NBEA: variants seen among roughly 807,000 people sequenced by gnomAD.
NBEA encodes the protein neurobeachin, also known as lysosomal-trafficking regulator 2.
Under a neutral mutation model 343.4 loss-of-function variants are expected in NBEA, and 44 were observed. That is an observed-to-expected ratio of 0.13 (90% CI 0.10 to 0.16). The LOEUF (loss-of-function observed/expected upper bound fraction) is 0.16, where lower values mean the gene tolerates loss of function less well. Among genes scored for constraint, NBEA ranks in the 10% least tolerant of loss-of-function variants. The pLI, the probability that NBEA is intolerant of heterozygous loss-of-function variation, is 1.00. For synonymous variants in NBEA, 1,175 were observed against 1,238.7 expected, an observed-to-expected ratio of 0.95 and a Z score of 1.08; for missense variants, 2,555 against 3,631.3, an observed-to-expected ratio of 0.70 and a Z score of 7.62.
chr13:35,186,165 A>G (rs1387130734), intron 30 of NBEA: 1 of 152,198 alleles, frequency 6.6e-6, no homozygotes, highest in African/African-American at 2.4e-5. Context: ...TTAACCAGGC[A>G]TGGTGGCATG....
chr13:35,290,161 A>C (rs1054991382), intron 34 of NBEA, among the ~76,000 whole-genome samples: 3 of 151,776 alleles, frequency 2.0e-5, no homozygotes, highest in African/African-American at 7.2e-5. Context: ...TCTTGTGACA[A>C]ACCCACAGCC....
chr13:35,332,733 A>G (rs1316457356), intron 36 of NBEA, among the ~76,000 whole-genome samples: 2 of 152,272 alleles, frequency 1.3e-5, no homozygotes, highest in Middle Eastern at 3.4e-3. Context: ...GTGAGAAAAG[A>G]TTAAAATTTA....
chr13:35,095,632 A>G (rs1260532483), intron 10 of NBEA, among the ~76,000 whole-genome samples: 1 of 151,896 alleles, frequency 6.6e-6, no homozygotes, highest in African/African-American at 2.4e-5. Context: ...ATTTTCCTTA[A>G]AAAGATACAG....
chr13:35,612,591 C>A (rs1449804700), intron 48 of NBEA, among the ~76,000 whole-genome samples: 1 of 151,956 alleles, frequency 6.6e-6, no homozygotes, highest in African/African-American at 2.4e-5. Context: ...AGTTTGTATG[C>A]CCCCAGAATT....
In NBEA at chr13:34,956,996, A is replaced by G. The variant is rs538290783; in HGVS notation, c.294+13882A>G. 6.6e-5 allele frequency among the ~76,000 whole-genome samples: 10 copies of G among 152,052 alleles called. No homozygotes were observed. The East Asian group carries it at 1.7e-3, about 26-fold the overall frequency. The stretch of plus-strand genomic sequence containing the variant: ...TCAGATTCTTTAGTTCTGTTTCTTT[A>G]ATATCATGTGGAATATATATATATA... On this transcript the variant is annotated intron_variant, in intron 1 of 58. Coordinates refer to ENST00000379939, the MANE Select transcript of NBEA (RefSeq NM_001385012.1).
chr13:35,585,340 G>T (rs1419186348), intron 46 of NBEA, among the ~76,000 whole-genome samples: 1 of 151,900 alleles, frequency 6.6e-6, no homozygotes, highest in African/African-American at 2.4e-5. Context: ...GTTTTGGGGA[G>T]GTCACATATT....
chr13:35,017,242 A>G (rs1440346330), intron 1 of NBEA, among the ~76,000 whole-genome samples: 4 of 152,178 alleles, frequency 2.6e-5, no homozygotes, highest in Admixed American at 1.3e-4. Flanking sequence ...TGTTGTTTCT[A>G]GTTGTTTCCA....
intron 49 of NBEA, among the ~76,000 whole-genome samples, chr13:35,634,204 G>A (rs979925745): frequency 8.5e-5 from 13 of 152,048 alleles, no homozygotes; most frequent in Admixed American, 2.6e-4. Flanking sequence ...ATAGCTGGGC[G>A]TGGTGGCGGG....
At position 35,211,182 on chromosome 13, in the gene NBEA, A is replaced by T; in HGVS notation, c.5648+3A>T. 1 of 1,548,206 alleles carries T rather than the reference A, an allele frequency of 6.5e-7. No individual in the cohort carries two copies. The highest frequency in any genetic ancestry group is 8.7e-7 in the Non-Finnish European group (1 of 1,145,738). On this transcript the variant is annotated splice_donor_region_variant and intron_variant, in intron 33 of 58. Coordinates refer to ENST00000379939, the MANE Select transcript of NBEA (RefSeq NM_001385012.1). ...GAAGATTCAGCTGAAAATATGAGGT[A>T]TGCATGACTACTTTTTATTCATTTT...
chr13:35,083,220 A>C (rs1311931205), intron 10 of NBEA, among the ~76,000 whole-genome samples: 2 of 152,276 alleles, frequency 1.3e-5, no homozygotes, highest in South Asian at 4.1e-4. Context: ...CAAAGATCAG[A>C]TAGTTGTGGA....
At chr13:35,244,591 A>G (rs529441074) in intron 34 of NBEA, among the ~76,000 whole-genome samples, 2 of 152,052 alleles carry the variant, frequency 1.3e-5, no homozygotes, top group Admixed American at 1.3e-4. Flanking sequence ...TGCTTTGGCT[A>G]TGTGGGCTCT....
At chr13:35,574,127 A>T (rs1207337773) in intron 45 of NBEA, among the ~76,000 whole-genome samples, 1 of 152,112 alleles carries the variant, frequency 6.6e-6, no homozygotes, top group Non-Finnish European at 1.5e-5. Flanking sequence ...ATAATAGCCA[A>T]TATTTTGCAT....
At chr13:34,976,352 C>T (rs1010771795) in intron 1 of NBEA, among the ~76,000 whole-genome samples, 2 of 152,204 alleles carry the variant, frequency 1.3e-5, no homozygotes, top group East Asian at 3.9e-4. Flanking sequence ...TGTTCTCACT[C>T]ATATGTGAGA....
At chr13:35,329,573 G>C (rs1326075778) in intron 36 of NBEA, among the ~76,000 whole-genome samples, 1 of 151,978 alleles carries the variant, frequency 6.6e-6, no homozygotes, top group East Asian at 1.9e-4. Flanking sequence ...CTTATGTGAA[G>C]TGAAAGAAGC....
intron 55 of NBEA, among the ~76,000 whole-genome samples, chr13:35,656,688 C>CA (rs2084827969): frequency 1.3e-5 from 2 of 152,110 alleles, no homozygotes; most frequent in Non-Finnish European, 2.9e-5. Flanking sequence ...ACTAAGCTTT[C>CA]AATAGTTCAC....
intron 34 of NBEA, among the ~76,000 whole-genome samples, chr13:35,273,067 A>G (rs906673080): frequency 7.9e-5 from 12 of 152,202 alleles, no homozygotes; most frequent in African/African-American, 2.9e-4. Flanking sequence ...TCAGTACCAC[A>G]TTGCACTTAT....
intron 38 of NBEA, among the ~76,000 whole-genome samples, chr13:35,382,318 C>T (rs1594424650): frequency 6.6e-6 from 1 of 152,088 alleles, no homozygotes. Context: ...GATAAAAATA[C>T]CTTTATCATT....
At chr13:35,343,468 CCT>C (rs1379208533) in intron 36 of NBEA, among the ~76,000 whole-genome samples, 1 of 152,070 alleles carries the variant, frequency 6.6e-6, no homozygotes, top group African/African-American at 2.4e-5. Context: ...AAACATGTAA[CCT>C]GTGTAAAATC....
chr13:35,090,740 A>T (rs1475752058), intron 10 of NBEA, among the ~76,000 whole-genome samples: 1 of 151,834 alleles, frequency 6.6e-6, no homozygotes, highest in Non-Finnish European at 1.5e-5. Context: ...ATCAGTTCCA[A>T]TTCTGGTTAA....
Sources: allele counts gnomAD v4.1 joint callset (sites outside exome capture counted in the v4.1 genomes callset), GRCh38; gene constraint gnomAD v4.1.1; transcripts MANE v1.5; gene names NCBI Gene and HGNC (gene_info 2026-07-23, HGNC 2026-07-21).